The following IL23R variants were observed in gnomAD, a reference collection of about 807,000 sequenced individuals.
IL23R encodes interleukin 23 receptor, also known as interleukin-23 receptor.
Under a neutral mutation model 56.9 loss-of-function variants are expected in IL23R, and 34 were observed. The observed-to-expected ratio is 0.60, with a 90% CI of 0.45 to 0.80. IL23R has a LOEUF of 0.80. Ranked by LOEUF, IL23R falls within the 30% of genes least tolerant of loss-of-function variation. The pLI is 0.00. For synonymous variants in IL23R, 230 were observed against 249.2 expected (o/e 0.92, Z 0.73); for missense variants, 635 against 730.0 (o/e 0.87, Z 1.50).
rs181425172 is a variant in IL23R at position 67,199,495 on chromosome 1, G to A, written c.492-1242G>A. Among the ~76,000 whole-genome samples, 6 of 152,290 alleles carry A rather than the reference G, an allele frequency of 3.9e-5. No homozygotes were observed. The East Asian group carries it at 1.2e-3, about 29-fold the overall frequency. On this transcript the variant is annotated intron_variant, in intron 4 of 10. Coordinates refer to ENST00000347310, the MANE Select transcript of IL23R (RefSeq NM_144701.3). ...TTCTGGCTATTCCAAGCTATGTCCA[G>A]TGCCGACTTCCCTAACAGGCACAGT...
chr1:67,150,361 G>A (rs185989703), intron 1 of IL23R, among the ~76,000 whole-genome samples: 35 of 145,356 alleles, frequency 2.4e-4, no homozygotes, highest in African/African-American at 7.7e-4. Flanking sequence ...CTATCAACCC[G>A]TCATCTAGAT....
chr1:67,202,696 C>G (rs1013600353), intron 5 of IL23R, among the ~76,000 whole-genome samples: 1 of 152,248 alleles, frequency 6.6e-6, no homozygotes, highest in African/African-American at 2.4e-5. Context: ...CTTAGCCTCT[C>G]GAGTAGCTGG....
At chr1:67,180,599 G>A (rs1647124961) in intron 3 of IL23R, among the ~76,000 whole-genome samples, 1 of 152,086 alleles carries the variant, frequency 6.6e-6, no homozygotes, top group Admixed American at 6.6e-5. Context: ...TCTTTCAATT[G>A]GAGCATTTAG....
intron 3 of IL23R, among the ~76,000 whole-genome samples, chr1:67,181,770 A>G (rs921543310): frequency 1.4e-4 from 21 of 151,942 alleles, no homozygotes; most frequent in African/African-American, 4.1e-4. Flanking sequence ...GGTTTTATCT[A>G]TCTTTGGTCT....
At chr1:67,255,009 C>T (rs935369439) in intron 9 of IL23R, among the ~76,000 whole-genome samples, 8 of 152,208 alleles carry the variant, frequency 5.3e-5, no homozygotes, top group African/African-American at 1.7e-4. Flanking sequence ...CCTTCTCCAT[C>T]CGCATCAAGA....
At chr1:67,237,113 G>T (rs1219050339) in intron 8 of IL23R, among the ~76,000 whole-genome samples, 1 of 152,146 alleles carries the variant, frequency 6.6e-6, no homozygotes, top group Non-Finnish European at 1.5e-5. Context: ...TGCAATCTCG[G>T]CTCACTGCAA....
intron 1 of IL23R, among the ~76,000 whole-genome samples, chr1:67,155,554 C>T (rs746530206): frequency 5.9e-5 from 9 of 152,186 alleles, no homozygotes; most frequent in Admixed American, 3.9e-4. Flanking sequence ...CTTCAAACTC[C>T]GATATCCTTT....
intron 3 of IL23R, among the ~76,000 whole-genome samples, chr1:67,181,981 G>T (rs142989624): frequency 4.6e-5 from 7 of 152,290 alleles, no homozygotes; most frequent in Non-Finnish European, 1.0e-4. Flanking sequence ...CTGCCTGATT[G>T]TTCCTCTGGA....
exon 1 of IL23R, chr1:67,139,156 G>A (rs1646611287): frequency 6.6e-6 from 1 of 152,200 alleles, no homozygotes; most frequent in Non-Finnish European, 1.5e-5. Context: ...CAGCTAACAT[G>A]ATCCAGTAAG....
At chr1:67,182,419 A>G (rs1647160339) in intron 3 of IL23R, among the ~76,000 whole-genome samples, 1 of 152,164 alleles carries the variant, frequency 6.6e-6, no homozygotes. Flanking sequence ...CTTGATGGGC[A>G]TAGGACCCTC....
At chr1:67,143,519 T>C (rs1364016935) in intron 1 of IL23R, among the ~76,000 whole-genome samples, 1 of 151,926 alleles carries the variant, frequency 6.6e-6, no homozygotes, top group African/African-American at 2.4e-5. Context: ...CATCTAAGAG[T>C]TGATGGAACT....
At chr1:67,252,349 T>G (rs912358719) in intron 9 of IL23R, among the ~76,000 whole-genome samples, 1 of 152,182 alleles carries the variant, frequency 6.6e-6, no homozygotes, top group African/African-American at 2.4e-5. Flanking sequence ...TTACTACCAG[T>G]TTCTTTCTGA....
intron 9 of IL23R, among the ~76,000 whole-genome samples, chr1:67,246,504 A>G (rs1014075796): frequency 1.3e-5 from 2 of 152,180 alleles, no homozygotes; most frequent in African/African-American, 2.4e-5. Context: ...AGATTCTGGT[A>G]CATTGTGTGT....
upstream of IL23R, among the ~76,000 whole-genome samples, chr1:67,165,217 A>G (rs1646861243): frequency 6.6e-6 from 1 of 152,168 alleles, no homozygotes; most frequent in African/African-American, 2.4e-5. Context: ...TCAAAACAAA[A>G]ACAAAAACAA....
At chr1:67,153,743 G>T (rs1646748352) in intron 1 of IL23R, among the ~76,000 whole-genome samples, 1 of 150,584 alleles carries the variant, frequency 6.6e-6, no homozygotes, top group African/African-American at 2.5e-5. Context: ...CAGTTTCCAT[G>T]TAGTGTGTGG....
chr1:67,219,612 G>C lies in IL23R; in HGVS notation c.837G>C (p.Gln279His). ...EFDTNFTYVQQSEFYLEPNIK... is the reference protein window; with the variant it reads ...EFDTNFTYVQHSEFYLEPNIK... ...ACACCAATTTTACATATGTGCAACAGTCAGAATTCTACTTGGAGCCAAACA... is the reference window on the plus strand; with the variant it reads ...ACACCAATTTTACATATGTGCAACACTCAGAATTCTACTTGGAGCCAAACA... The change falls in exon 7 of 11, where the codon CAG (glutamine) becomes CAC (histidine). Residue 279 changes from glutamine (Q) to histidine (H), a missense_variant. Gln to His is a conservative substitution (Grantham distance 24, BLOSUM62 0). Transcript: ENST00000347310. 3 of 1,614,042 alleles carry C rather than the reference G, an allele frequency of 1.9e-6. No homozygotes were observed.
At chr1:67,175,778 A>AAAACT (rs1372049791) in intron 3 of IL23R, among the ~76,000 whole-genome samples, 3 of 152,220 alleles carry the variant, frequency 2.0e-5, no homozygotes, top group East Asian at 3.8e-4. Flanking sequence ...GTAGTAGAAG[A>AAAACT]AAACTACAAA....
At position 67,255,177 on chromosome 1, in the gene IL23R, A is replaced by C. The variant is rs201455448; in HGVS notation, c.1149-660A>C. Among the ~76,000 whole-genome samples, 34 of 152,236 alleles carry C rather than the reference A, an allele frequency of 2.2e-4. No homozygotes were observed. The East Asian group carries it at 6.4e-3, about 29-fold the overall frequency. Reference sequence around the variant, plus strand: ...GGAAAGTTCTACAAAATATCCCTTAAGTTTTTTGAACTTTCCCACATGGGA... The same window carrying C: ...GGAAAGTTCTACAAAATATCCCTTACGTTTTTTGAACTTTCCCACATGGGA... On this transcript the variant is annotated intron_variant, in intron 9 of 10. Coordinates refer to ENST00000347310, the MANE Select transcript of IL23R (RefSeq NM_144701.3).
intron 3 of IL23R, among the ~76,000 whole-genome samples, chr1:67,178,899 G>A (rs1647049815): frequency 6.6e-6 from 1 of 152,200 alleles, no homozygotes; most frequent in Non-Finnish European, 1.5e-5. Flanking sequence ...CATTGGTTCT[G>A]TTGATATGCT....
Sources: gnomAD v4.1 joint callset for allele counts (sites outside exome capture counted in the v4.1 genomes callset) on GRCh38, gnomAD v4.1.1 for gene constraint, MANE v1.5 for transcripts, NCBI Gene and HGNC (gene_info 2026-07-23, HGNC 2026-07-21) for gene names.